The following CCSER1 variants were observed in gnomAD, a reference collection of about 807,000 sequenced individuals.
CCSER1 encodes coiled-coil serine rich protein 1.
In CCSER1, 41 loss-of-function variants were observed where a neutral mutation model predicts 82.0. That is an observed-to-expected ratio of 0.50 (90% CI 0.39 to 0.65). The LOEUF is 0.65. Among genes scored for constraint, CCSER1 ranks in the 30% least tolerant of loss-of-function variants. The pLI, the probability that CCSER1 is intolerant of heterozygous loss-of-function variation, is 0.00. For synonymous variants in CCSER1, 414 were observed against 383.9 expected (o/e 1.08, Z -0.92); for missense variants, 1,119 against 1,064.2 (o/e 1.05, Z -0.72).
intron 7 of CCSER1, among the ~76,000 whole-genome samples, chr4:90,774,339 C>G (rs1752618855): frequency 6.6e-6 from 1 of 151,940 alleles, no homozygotes; most frequent in Admixed American, 6.6e-5. Flanking sequence ...CTTGATTTTT[C>G]TCTTTGCTCA....
chr4:90,543,881 C>A (rs1426787923), intron 5 of CCSER1, among the ~76,000 whole-genome samples: 2 of 152,092 alleles, frequency 1.3e-5, no homozygotes, highest in Non-Finnish European at 2.9e-5. Context: ...TAGTATTAAA[C>A]CCTCGGATCT....
intron 10 of CCSER1, among the ~76,000 whole-genome samples, chr4:91,422,775 C>T (rs1753752750): frequency 6.6e-6 from 1 of 152,024 alleles, no homozygotes; most frequent in Non-Finnish European, 1.5e-5. Flanking sequence ...CAAAAAGAAG[C>T]AAAGCATATA....
intron 8 of CCSER1, among the ~76,000 whole-genome samples, chr4:90,872,701 T>C (rs1014879306): frequency 1.3e-5 from 2 of 152,034 alleles, no homozygotes; most frequent in African/African-American, 4.8e-5. Context: ...AACTTACTAT[T>C]ACCGGTGAAC....
chr4:90,375,409 T>A (rs981983910), intron 3 of CCSER1, among the ~76,000 whole-genome samples: 4 of 152,112 alleles, frequency 2.6e-5, no homozygotes, highest in Non-Finnish European at 2.9e-5. Context: ...CACATGGGTT[T>A]TGTGTTAGTA....
chr4:90,152,255 G>C (rs1690569306), intron 1 of CCSER1, among the ~76,000 whole-genome samples: 1 of 152,144 alleles, frequency 6.6e-6, no homozygotes, highest in Admixed American at 6.6e-5. Flanking sequence ...ACTCACAACT[G>C]TGCACCACAA....
chr4:91,545,003 A>G (rs1761812221), intron 10 of CCSER1, among the ~76,000 whole-genome samples: 1 of 152,016 alleles, frequency 6.6e-6, no homozygotes, highest in Non-Finnish European at 1.5e-5. Context: ...AAGCCTCAGC[A>G]ATGGTGGATA....
intron 10 of CCSER1, among the ~76,000 whole-genome samples, chr4:91,113,605 G>T (rs1355403006): frequency 6.6e-6 from 1 of 152,148 alleles, no homozygotes; most frequent in African/African-American, 2.4e-5. Context: ...AATAGCATAT[G>T]CTACCTTTCC....
chr4:90,821,862 TC>T (rs1399484515), intron 8 of CCSER1, among the ~76,000 whole-genome samples: 1 of 152,122 alleles, frequency 6.6e-6, no homozygotes, highest in Non-Finnish European at 1.5e-5. Context: ...GTAAATATTA[TC>T]CTCAGGTTAC....
chr4:91,119,892 G>A (rs1726936658), intron 10 of CCSER1, among the ~76,000 whole-genome samples: 1 of 151,958 alleles, frequency 6.6e-6, no homozygotes, highest in East Asian at 1.9e-4. Flanking sequence ...TTAAAAAGCA[G>A]TTAGGAAGAT....
intron 10 of CCSER1, among the ~76,000 whole-genome samples, chr4:91,500,299 G>C (rs945182172): frequency 6.6e-6 from 1 of 151,810 alleles, no homozygotes; most frequent in Non-Finnish European, 1.5e-5. Flanking sequence ...CAGGTCTTTT[G>C]CCCATCTTTA....
intron 6 of CCSER1, among the ~76,000 whole-genome samples, chr4:90,644,182 T>A (rs13135476): frequency 0.13 from 20,136 of 152,002 alleles, 1,734 homozygotes; most frequent in East Asian, 0.33. Context: ...GATTTCAGAG[T>A]TTTTGGATTT....
chr4:91,208,502 G>C (rs888410186), intron 10 of CCSER1, among the ~76,000 whole-genome samples: 1 of 151,800 alleles, frequency 6.6e-6, no homozygotes, highest in Admixed American at 6.6e-5. Flanking sequence ...CCTATTGCTT[G>C]CTTTTGCTAG....
intron 8 of CCSER1, among the ~76,000 whole-genome samples, chr4:90,876,153 T>A (rs547095266): frequency 4.1e-4 from 63 of 152,188 alleles, no homozygotes; most frequent in Non-Finnish European, 3.2e-4. Flanking sequence ...CAGGAAAGTT[T>A]TTCCCCCTCA....
intron 7 of CCSER1, among the ~76,000 whole-genome samples, chr4:90,740,770 T>G (rs950776612): frequency 6.6e-6 from 1 of 152,174 alleles, no homozygotes; most frequent in Non-Finnish European, 1.5e-5. Context: ...TCTCCTGTTT[T>G]GGGGTTCTTT....
chr4:91,019,158 G>C (rs1739699185), intron 9 of CCSER1, among the ~76,000 whole-genome samples: 1 of 151,386 alleles, frequency 6.6e-6, no homozygotes, highest in South Asian at 2.1e-4. Context: ...TCGGTGTGCT[G>C]TTTCAAGATA....
chr4:90,231,041 G>T (rs1407128362), intron 1 of CCSER1, among the ~76,000 whole-genome samples: 1 of 152,126 alleles, frequency 6.6e-6, no homozygotes, highest in African/African-American at 2.4e-5. Context: ...TCTACCAGAG[G>T]TACAAGGAGG....
At chr4:90,180,601 T>A (rs928028734) in intron 1 of CCSER1, among the ~76,000 whole-genome samples, 1 of 151,490 alleles carries the variant, frequency 6.6e-6, no homozygotes, top group Non-Finnish European at 1.5e-5. Context: ...AAAAAAAAAA[T>A]TTGTTTATCT....
At chr4:91,138,904 C>T (rs545223784) in intron 10 of CCSER1, among the ~76,000 whole-genome samples, 2 of 152,206 alleles carry the variant, frequency 1.3e-5, no homozygotes, top group Admixed American at 6.5e-5. Context: ...ATTTTAGATT[C>T]TGGGGTTACA....
At chr4:90,143,477 A>G (rs1375072570) in intron 1 of CCSER1, among the ~76,000 whole-genome samples, 1 of 117,544 alleles carries the variant, frequency 8.5e-6, no homozygotes, top group Non-Finnish European at 1.9e-5. Flanking sequence ...TCTGTTTCCT[A>G]GCAAGTACAC....
Sources: allele counts gnomAD v4.1 joint callset (sites outside exome capture counted in the v4.1 genomes callset), GRCh38; gene constraint gnomAD v4.1.1; transcripts MANE v1.5; gene names NCBI Gene and HGNC (gene_info 2026-07-23, HGNC 2026-07-21).